BMERB1: variants seen among roughly 807,000 people sequenced by gnomAD.
BMERB1 encodes bMERB domain containing 1.
BMERB1 carries 12 observed loss-of-function variants against 23.6 expected under a neutral mutation model. The observed-to-expected ratio is 0.51, with a 90% confidence interval of 0.33 to 0.82. BMERB1 has a LOEUF of 0.82. Among genes scored for constraint, BMERB1 ranks in the 40% least tolerant of loss-of-function variants. The pLI is 0.03. For missense variants in BMERB1, 247 were observed against 255.4 expected, an observed-to-expected ratio of 0.97 and a Z score of 0.22; for synonymous variants, 122 against 96.6, an observed-to-expected ratio of 1.26 and a Z score of -1.54.
rs914702394 is a variant in BMERB1 at position 15,491,996 on chromosome 16, C to T, written c.107-23309C>T. ...GCATGCCTAGCTCCTAGAATATTGC[C>T]TGGTGTGTGGCGGGCATGTTGAATA... On this transcript the variant is annotated intron_variant, in intron 1 of 5. Transcript: ENST00000300006. Among the ~76,000 whole-genome samples, 18 of 152,116 alleles carry T rather than the reference C, an allele frequency of 1.2e-4. 1 individual carries two copies. The highest frequency in any genetic ancestry group is 4.4e-5 in the Non-Finnish European group (3 of 68,036).
intron 3 of BMERB1, among the ~76,000 whole-genome samples, chr16:15,569,716 C>T (rs1009624448): frequency 6.6e-6 from 1 of 152,126 alleles, no homozygotes; most frequent in African/African-American, 2.4e-5. Flanking sequence ...GATCATCATT[C>T]ATCAGAAATG....
At chr16:15,581,700 C>T (rs1005449288) in intron 4 of BMERB1, among the ~76,000 whole-genome samples, 3 of 152,184 alleles carry the variant, frequency 2.0e-5, no homozygotes, top group Non-Finnish European at 4.4e-5. Context: ...TTGCTCCCAA[C>T]CTCTGTCCTC....
At chr16:15,458,125 C>T (rs1164801388) in intron 1 of BMERB1, among the ~76,000 whole-genome samples, 2 of 152,190 alleles carry the variant, frequency 1.3e-5, no homozygotes, top group Admixed American at 1.3e-4. Context: ...CTAACCATAT[C>T]AGACTTCTTA....
At chr16:15,542,782 A>C (rs1279952950) in intron 2 of BMERB1, among the ~76,000 whole-genome samples, 1 of 152,064 alleles carries the variant, frequency 6.6e-6, no homozygotes, top group Non-Finnish European at 1.5e-5. Context: ...GACTTGTGAC[A>C]GGGGTGTGGC....
chr16:15,518,878 G>A (rs1210017567), intron 2 of BMERB1, among the ~76,000 whole-genome samples: 3 of 151,812 alleles, frequency 2.0e-5, no homozygotes, highest in African/African-American at 7.3e-5. Flanking sequence ...AAGGAGGAAG[G>A]AAGGAAGCTT....
rs904814953 is a variant in BMERB1 at position 15,537,502 on chromosome 16, C to T, written c.230+22074C>T. Among the ~76,000 whole-genome samples, 4 of 150,990 alleles carry T rather than the reference C, an allele frequency of 2.6e-5. No individual in the cohort carries two copies. The East Asian group carries it at 7.9e-4, about 30-fold the overall frequency. On this transcript the variant is annotated intron_variant, in intron 2 of 5. Transcript: ENST00000300006. ...CCCAGTAGCGGGGATTACAGGTGCC[C>T]GCCACCATGCCTGGCTAATTTTTGT...
At chr16:15,481,756 C>G (rs1327812570) in intron 1 of BMERB1, among the ~76,000 whole-genome samples, 2 of 149,466 alleles carry the variant, frequency 1.3e-5, no homozygotes, top group African/African-American at 4.9e-5. Flanking sequence ...GAGTCTCTCT[C>G]TGTCCCTCAG....
chr16:15,513,243 C>G (rs143445847), intron 1 of BMERB1, among the ~76,000 whole-genome samples: 1 of 152,068 alleles, frequency 6.6e-6, no homozygotes, highest in Non-Finnish European at 1.5e-5. Context: ...AACATTCTTA[C>G]GGTGAAAATA....
chr16:15,442,943 C>T (rs1291833649), intron 1 of BMERB1, among the ~76,000 whole-genome samples: 5 of 152,038 alleles, frequency 3.3e-5, no homozygotes, highest in African/African-American at 1.2e-4. Context: ...GAGTGAGAGA[C>T]ACAGCCATAA....
At chr16:15,576,431 T>C (rs372417442) in intron 3 of BMERB1, among the ~76,000 whole-genome samples, 25 of 152,116 alleles carry the variant, frequency 1.6e-4, no homozygotes, top group East Asian at 7.7e-4. Context: ...CCCTCTCTCA[T>C]TTCACAATTC....
chr16:15,539,791 C>G (rs913325788), intron 2 of BMERB1, among the ~76,000 whole-genome samples: 1 of 150,030 alleles, frequency 6.7e-6, no homozygotes, highest in Non-Finnish European at 1.5e-5. Flanking sequence ...TGCAGTGAGC[C>G]GAGATCGTAC....
At chr16:15,521,410 C>T (rs1239264842) in intron 2 of BMERB1, among the ~76,000 whole-genome samples, 1 of 152,228 alleles carries the variant, frequency 6.6e-6, no homozygotes, top group African/African-American at 2.4e-5. Context: ...CATTTACAGA[C>T]CCCTTATTGT....
chr16:15,449,711 A>G (rs949131049), intron 1 of BMERB1, among the ~76,000 whole-genome samples: 1 of 151,818 alleles, frequency 6.6e-6, no homozygotes, highest in African/African-American at 2.4e-5. Flanking sequence ...ACACCTGGCT[A>G]ATTTTTGTAT....
chr16:15,441,549 T>C (rs536548602), intron 1 of BMERB1, among the ~76,000 whole-genome samples: 18 of 152,240 alleles, frequency 1.2e-4, no homozygotes, highest in African/African-American at 4.3e-4. Context: ...GGTTAATTTT[T>C]GTATTTTTAG....
intron 1 of BMERB1, among the ~76,000 whole-genome samples, chr16:15,443,273 C>G (rs2050956965): frequency 6.6e-6 from 1 of 150,478 alleles, no homozygotes; most frequent in African/African-American, 2.4e-5. Context: ...ACACCACAGG[C>G]TGGGTGCGGT....
intron 2 of BMERB1, among the ~76,000 whole-genome samples, chr16:15,537,397 C>T (rs2052035295): frequency 6.6e-6 from 1 of 151,888 alleles, no homozygotes. Flanking sequence ...CTCTGTTGCC[C>T]AGGCTGGAGT....
At chr16:15,558,086 AGGTGGCCCGAGGGTCAGTGG>A (rs780270251) in intron 2 of BMERB1, among the ~76,000 whole-genome samples, 8 of 152,052 alleles carry the variant, frequency 5.3e-5, no homozygotes, top group Non-Finnish European at 8.8e-5. Flanking sequence ...GTCCAGATGC[AGGTGGCCCGAGGGTCAGTGG>A]GGTGGCCCCA....
At chr16:15,442,232 G>A (rs1247061086) in intron 1 of BMERB1, among the ~76,000 whole-genome samples, 1 of 151,976 alleles carries the variant, frequency 6.6e-6, no homozygotes, top group Admixed American at 6.6e-5. Flanking sequence ...TCGGGAGGCT[G>A]AGGCGGGAGA....
At chr16:15,482,327 T>C (rs2051328926) in intron 1 of BMERB1, among the ~76,000 whole-genome samples, 1 of 152,180 alleles carries the variant, frequency 6.6e-6, no homozygotes, top group Non-Finnish European at 1.5e-5. Flanking sequence ...TTGTGTGCTT[T>C]GAGGTCAGTG....
Sources: allele counts gnomAD v4.1 joint callset (sites outside exome capture counted in the v4.1 genomes callset), GRCh38; gene constraint gnomAD v4.1.1; transcripts MANE v1.5; gene names NCBI Gene and HGNC (gene_info 2026-07-23, HGNC 2026-07-21).